The following TMEM132B variants were observed in gnomAD, a reference collection of about 807,000 sequenced individuals.
TMEM132B encodes transmembrane protein 132B.
Under a neutral mutation model 90.8 loss-of-function variants are expected in TMEM132B, and 18 were observed. The observed-to-expected ratio is 0.20, with a 90% CI of 0.14 to 0.29. TMEM132B has a LOEUF of 0.29. Among genes scored for constraint, TMEM132B ranks in the 10% least tolerant of loss-of-function variants. The probability of loss-of-function intolerance (pLI) is 1.00; values close to 1 mark genes in which losing one functional copy is unlikely to be tolerated. For synonymous variants in TMEM132B, 504 were observed against 523.3 expected (o/e 0.96, Z 0.50); for missense variants, 1,096 against 1,326.8 (o/e 0.83, Z 2.70).
rs777066729 is a variant in TMEM132B at position 125,408,762 on chromosome 12, A to G, written c.960-6769A>G. ...GAGTGGCAATGCTGTTACAGGGTCT[A>G]CGGAAATTCAGGCTTTGTAGTTATC... On this transcript the variant is annotated intron_variant, in intron 2 of 8. Coordinates refer to ENST00000682704, the MANE Select transcript of TMEM132B (RefSeq NM_001366854.1). The surrounding 1 kb of genome is among the most constrained non-coding windows in gnomAD (Gnocchi z 5.9). Among the ~76,000 whole-genome samples, 16 of 152,118 alleles carry G rather than the reference A, an allele frequency of 1.1e-4. No individual in the cohort carries two copies. The highest frequency in any genetic ancestry group is 1.8e-4 in the Non-Finnish European group (12 of 68,024).
At chr12:125,278,035 C>T (rs7299726) in intron 1 of TMEM132B, among the ~76,000 whole-genome samples, 5,166 of 152,306 alleles carry the variant, frequency 0.034, 116 homozygotes, top group Non-Finnish European at 0.048. Context: ...TCTAAGCTTG[C>T]AGCCGCTTGT....
Position 125,280,111 on chromosome 12 carries a change from C to T in TMEM132B, c.68-69341C>T, listed in dbSNP as rs917982638. ...AGCTGAGAATGAAACTCCCAGGCTGCGAATGGCAGACACTTGGGATCCTCC... is the reference window on the plus strand; with the variant it reads ...AGCTGAGAATGAAACTCCCAGGCTGTGAATGGCAGACACTTGGGATCCTCC... On this transcript the variant is annotated intron_variant, in intron 1 of 8. Coordinates refer to ENST00000682704, the MANE Select transcript of TMEM132B (RefSeq NM_001366854.1). Among the ~76,000 whole-genome samples the T allele has an allele frequency of 9.2e-5, 14 of 152,150 alleles. 1 individual carries two copies. The highest frequency in any genetic ancestry group is 2.1e-4 in the South Asian group (1 of 4,816).
At chr12:125,311,919 A>G (rs1304679260) in intron 1 of TMEM132B, among the ~76,000 whole-genome samples, 2 of 152,196 alleles carry the variant, frequency 1.3e-5, no homozygotes, top group South Asian at 2.1e-4. Flanking sequence ...TCAGAAGGAT[A>G]TTTGAGACTG....
intron 1 of TMEM132B, among the ~76,000 whole-genome samples, chr12:125,207,704 T>C (rs1873214579): frequency 6.6e-6 from 1 of 152,194 alleles, no homozygotes; most frequent in Non-Finnish European, 1.5e-5. Flanking sequence ...TTTTGCAAAA[T>C]GGAAACCCCA....
At chr12:125,555,961 A>G (rs1006756600) in intron 4 of TMEM132B, among the ~76,000 whole-genome samples, 1 of 152,256 alleles carries the variant, frequency 6.6e-6, no homozygotes, top group African/African-American at 2.4e-5. Context: ...CTACAAAAAT[A>G]ACAGCAACCT....
chr12:125,266,830 G>A (rs138109845), intron 1 of TMEM132B, among the ~76,000 whole-genome samples: 2 of 152,352 alleles, frequency 1.3e-5, no homozygotes, highest in African/African-American at 4.8e-5. Flanking sequence ...TATCAGTCAA[G>A]TCTGTGTTTT....
Position 125,460,054 on chromosome 12 carries a change from A to G in TMEM132B, c.1106+44377A>G, listed in dbSNP as rs776252129. Among the ~76,000 whole-genome samples, 2 of 152,162 alleles carry G rather than the reference A, an allele frequency of 1.3e-5. No individual in the cohort carries two copies. The highest frequency in any genetic ancestry group is 2.9e-5 in the Non-Finnish European group (2 of 68,024). ...CTTTATAAATTACACAGTCTCAGGTATGCCTTTATCAGCAGTGTGTGAACA... is the reference window on the plus strand; with the variant it reads ...CTTTATAAATTACACAGTCTCAGGTGTGCCTTTATCAGCAGTGTGTGAACA... On this transcript the variant is annotated intron_variant, in intron 3 of 8. Transcript: ENST00000682704. This position sits in a 1 kb window ranked among gnomAD's most constrained non-coding sequence, Gnocchi z 4.4.
chr12:125,404,984 A>G (rs192210395), intron 2 of TMEM132B, among the ~76,000 whole-genome samples: 108 of 152,322 alleles, frequency 7.1e-4, no homozygotes, highest in African/African-American at 2.5e-3. Context: ...TAATAAACAC[A>G]CCTGTAGCAC....
chr12:125,202,963 A>G (rs1873099196), intron 1 of TMEM132B, among the ~76,000 whole-genome samples: 1 of 152,116 alleles, frequency 6.6e-6, no homozygotes. Flanking sequence ...TTCACTTGCA[A>G]CCAGAGAGTC....
intron 1 of TMEM132B, among the ~76,000 whole-genome samples, chr12:125,289,999 C>A (rs1228434481): frequency 6.6e-6 from 1 of 152,158 alleles, no homozygotes; most frequent in Non-Finnish European, 1.5e-5. Flanking sequence ...TTTATGTCCC[C>A]CTTAAATCAA....
chr12:125,342,858 C>G (rs1308645565), intron 1 of TMEM132B, among the ~76,000 whole-genome samples: 2 of 152,150 alleles, frequency 1.3e-5, no homozygotes. Context: ...TGTAGTGTCT[C>G]TTCTTCTTTC....
intron 1 of TMEM132B, among the ~76,000 whole-genome samples, chr12:125,313,946 C>T (rs1876186733): frequency 6.6e-6 from 1 of 151,842 alleles, no homozygotes. Flanking sequence ...TCCTCTCTGT[C>T]AGGACATCTC....
At chr12:125,376,631 T>C (rs1878497281) in intron 2 of TMEM132B, among the ~76,000 whole-genome samples, 1 of 152,126 alleles carries the variant, frequency 6.6e-6, no homozygotes, top group South Asian at 2.1e-4. Flanking sequence ...CCTGGAGGGA[T>C]ATGAGTCTAG....
intron 1 of TMEM132B, among the ~76,000 whole-genome samples, chr12:125,223,773 T>A (rs1873610835): frequency 6.6e-6 from 1 of 151,744 alleles, no homozygotes; most frequent in Non-Finnish European, 1.5e-5. Context: ...GTGTCTGGCA[T>A]CTTTCACTTT....
chr12:125,649,243 A>C (rs1394459002), intron 6 of TMEM132B, among the ~76,000 whole-genome samples: 1 of 152,248 alleles, frequency 6.6e-6, no homozygotes, highest in Non-Finnish European at 1.5e-5. Context: ...GGTGGGTTTC[A>C]GAAGTCAAAT....
chr12:125,619,526 G>A (rs1348343377), intron 5 of TMEM132B, among the ~76,000 whole-genome samples: 1 of 151,880 alleles, frequency 6.6e-6, no homozygotes, highest in Non-Finnish European at 1.5e-5. Context: ...CACCACACCC[G>A]GCTAATTTTT....
At chr12:125,488,805 G>A (rs962627498) in intron 3 of TMEM132B, among the ~76,000 whole-genome samples, 6 of 152,320 alleles carry the variant, frequency 3.9e-5, no homozygotes, top group East Asian at 3.9e-4. Flanking sequence ...TAGCCCACTC[G>A]TGTACCTATG....
At chr12:125,279,156 T>C (rs1337957579) in intron 1 of TMEM132B, among the ~76,000 whole-genome samples, 2 of 152,256 alleles carry the variant, frequency 1.3e-5, no homozygotes, top group African/African-American at 4.8e-5. Context: ...CATGTCCTTC[T>C]GAGCTCCAGG....
At chr12:125,363,215 G>T (rs1491898) in intron 2 of TMEM132B, among the ~76,000 whole-genome samples, 61,889 of 151,928 alleles carry the variant, frequency 0.41, 14,454 homozygotes, top group East Asian at 0.87. Context: ...AAAAATGAAG[G>T]CTCAATTGAA....
Sources: gnomAD v4.1 joint callset for allele counts (sites outside exome capture counted in the v4.1 genomes callset) on GRCh38, gnomAD v4.1.1 for gene constraint, Gnocchi (gnomAD v3.1) non-coding constraint, MANE v1.5 for transcripts, NCBI Gene and HGNC (gene_info 2026-07-23, HGNC 2026-07-21) for gene names.